Variants in PTGR2 observed in about 807,000 individuals in gnomAD.
PTGR2 encodes prostaglandin reductase 2.
PTGR2 carries 32 observed loss-of-function variants against 43.4 expected under a neutral mutation model. That is an observed-to-expected ratio of 0.74 (90% CI 0.56 to 0.99). PTGR2 has a LOEUF of 0.99. Ranked by LOEUF, PTGR2 falls within the 50% of genes least tolerant of loss-of-function variation. PTGR2 has a pLI of 0.00. For synonymous variants in PTGR2, 106 were observed against 139.2 expected (o/e 0.76, Z 1.68); for missense variants, 373 against 420.0 (o/e 0.89, Z 0.98).
chr14:73,882,460 T>G, intron 9 of PTGR2, 22 bp downstream of exon 9: 1 of 1,435,142 alleles, frequency 7.0e-7, no homozygotes, highest in Non-Finnish European at 9.8e-7. Context: ...GTAGACTTAT[T>G]ATATACACAT....
intron 5 of PTGR2, chr14:73,878,691 G>A (rs2054917388): frequency 1.0e-5 from 4 of 396,782 alleles, no homozygotes; most frequent in Non-Finnish European, 1.5e-5. Flanking sequence ...TAAACAACTG[G>A]TACTCTACGG....
intron 4 of PTGR2, among the ~76,000 whole-genome samples, 187 bp downstream of exon 4, chr14:73,874,401 C>T (rs1295785740): frequency 1.3e-5 from 2 of 151,854 alleles, no homozygotes; most frequent in African/African-American, 4.8e-5. Flanking sequence ...TTAAATTGTC[C>T]TTCTGAAGGT....
At chr14:73,865,937 G>C (rs978392006) in intron 3 of PTGR2, among the ~76,000 whole-genome samples, 2 of 151,896 alleles carry the variant, frequency 1.3e-5, no homozygotes, top group African/African-American at 2.4e-5. Flanking sequence ...CTAGTACCTC[G>C]CTCTCTTAAT....
intron 3 of PTGR2, among the ~76,000 whole-genome samples, chr14:73,872,129 G>A (rs2054749544): frequency 6.6e-6 from 1 of 152,138 alleles, no homozygotes; most frequent in Non-Finnish European, 1.5e-5. Context: ...AGCCACAGAG[G>A]AAGAGAGCCT....
rs1354206147 is a variant in PTGR2 at position 73,885,469 on chromosome 14, T to C, written c.*1292T>C. 1 of 152,236 alleles carries C rather than the reference T, an allele frequency of 6.6e-6. No homozygotes were observed. Among genetic ancestry groups the C allele is most frequent in the Non-Finnish European group, 1.5e-5 (1 of 68,028 alleles). The allele number at this position is 152,236 out of a possible 1,614,324, so 9.4% of individuals were successfully genotyped here. A position where few individuals can be genotyped will look rare whatever the true frequency, so the allele number is the denominator to read the frequency against. On this transcript the variant is annotated 3_prime_UTR_variant, in exon 10 of 10. Transcript: ENST00000555661. ...ACTGAAGATTATTGTTTCTGAATGTTTTGGCTTATGATTGTCTACACACTG... is the reference window on the plus strand; with the variant it reads ...ACTGAAGATTATTGTTTCTGAATGTCTTGGCTTATGATTGTCTACACACTG...
intron 3 of PTGR2, among the ~76,000 whole-genome samples, chr14:73,865,564 G>A (rs1301674765): frequency 1.3e-5 from 2 of 152,048 alleles, no homozygotes; most frequent in South Asian, 2.1e-4. Flanking sequence ...TCAAGTTGAC[G>A]CCTAAAATTA....
intron 4 of PTGR2, 57 bp from the exon 5 acceptor site, chr14:73,876,941 T>C: frequency 7.4e-7 from 1 of 1,348,190 alleles, no homozygotes; most frequent in Non-Finnish European, 1.0e-6. Context: ...TGTCTCTACT[T>C]TGTTGTCTCA....
Position 73,871,594 on chromosome 14 carries a change from T to C in PTGR2, c.157-2429T>C, listed in dbSNP as rs535064541. ...ACAGACCATAACCTAGGGCTTGAGATTGGCATCTGAAGTAGGTGCAGTCTT... is the reference window on the plus strand; with the variant it reads ...ACAGACCATAACCTAGGGCTTGAGACTGGCATCTGAAGTAGGTGCAGTCTT... On this transcript the variant is annotated intron_variant, in intron 3 of 9. Coordinates refer to ENST00000555661, the MANE Select transcript of PTGR2 (RefSeq NM_001146154.2). Among the ~76,000 whole-genome samples the C allele has an allele frequency of 7.2e-5, 11 of 152,064 alleles. No individual in the cohort carries two copies. The South Asian group carries it at 1.9e-3, about 26-fold the overall frequency.
At chr14:73,871,834 G>T (rs1229524589) in intron 3 of PTGR2, among the ~76,000 whole-genome samples, 1 of 152,096 alleles carries the variant, frequency 6.6e-6, no homozygotes, top group Non-Finnish European at 1.5e-5. Context: ...ATCTCAGAGA[G>T]CTTATTTCCA....
chr14:73,876,108 C>T (rs929218694), intron 4 of PTGR2, among the ~76,000 whole-genome samples: 2 of 152,008 alleles, frequency 1.3e-5, no homozygotes, highest in African/African-American at 4.8e-5. Flanking sequence ...CGTGAGCCAC[C>T]GCACCCGGCC....
rs564592231 is a variant in PTGR2 at position 73,884,084 on chromosome 14, A to C, written c.980-17A>C. The C allele has an allele frequency of 6.5e-7, 1 of 1,537,326 alleles. No homozygotes were observed. The highest frequency in any genetic ancestry group is 1.4e-5 in the African/African-American group (1 of 72,852). ...TGACATTTATCTTTTCAGATAACCT[A>C]CTTTCTCTTTTTCCAGCTGCATTCC... On this transcript the variant is annotated splice_polypyrimidine_tract_variant and intron_variant, in intron 9 of 9. Transcript: ENST00000555661.
intron 3 of PTGR2, among the ~76,000 whole-genome samples, chr14:73,870,450 G>T (rs1169197699): frequency 6.6e-6 from 1 of 152,112 alleles, no homozygotes; most frequent in African/African-American, 2.4e-5. Flanking sequence ...AGAGTGCTGG[G>T]ATTACAGACA....
chr14:73,858,667 G>T, intron 1 of PTGR2, 149 bp from the exon 2 acceptor site: 1 of 414,006 alleles, frequency 2.4e-6, no homozygotes, highest in Non-Finnish European at 4.4e-6. Context: ...TTTGCTTTAG[G>T]AGGCAAACTC....
At chr14:73,861,199 C>T (rs1487134776) in intron 3 of PTGR2, 1 of 152,318 alleles carries the variant, frequency 6.6e-6, no homozygotes. Flanking sequence ...CTGTGCTTAG[C>T]CCTGTAGTTG....
chr14:73,863,254 A>G (rs181500148), intron 3 of PTGR2, among the ~76,000 whole-genome samples: 3 of 152,176 alleles, frequency 2.0e-5, no homozygotes, highest in Non-Finnish European at 4.4e-5. Context: ...TTTTGTTCCT[A>G]TAGATTTGCC....
chr14:73,852,983 G>A (rs1030874102), intron 1 of PTGR2, among the ~76,000 whole-genome samples: 13 of 151,984 alleles, frequency 8.6e-5, no homozygotes, highest in African/African-American at 2.9e-4. Context: ...CCACCACCAC[G>A]CTTAATTTTT....
chr14:73,877,248 A>T, intron 5 of PTGR2, 80 bp downstream of exon 5: 1 of 1,236,904 alleles, frequency 8.1e-7, no homozygotes, highest in Non-Finnish European at 1.1e-6. Flanking sequence ...GGATATATGT[A>T]TACCATTAAA....
intron 2 of PTGR2, among the ~76,000 whole-genome samples, chr14:73,859,873 T>C (rs547931294): frequency 6.6e-6 from 1 of 151,694 alleles, no homozygotes; most frequent in East Asian, 1.9e-4. Flanking sequence ...CTGTTTTTTT[T>C]TTTTTGACAC....
intron 6 of PTGR2, 58 bp from the exon 7 acceptor site, chr14:73,879,997 G>T (rs908486803): frequency 6.4e-7 from 1 of 1,573,496 alleles, no homozygotes; most frequent in Non-Finnish European, 8.7e-7. Context: ...CATTATGGCA[G>T]CCATAAAATC....
Sources: allele counts gnomAD v4.1 joint callset (sites outside exome capture counted in the v4.1 genomes callset), GRCh38; gene constraint gnomAD v4.1.1; transcripts MANE v1.5; gene names NCBI Gene and HGNC (gene_info 2026-07-23, HGNC 2026-07-21).